Variants in CDK12 observed in about 807,000 individuals in gnomAD.
CDK12 encodes the protein cyclin dependent kinase 12.
A neutral mutation model predicts 133.8 loss-of-function variants in CDK12; 17 were observed. That is an observed-to-expected ratio of 0.13 (90% CI 0.09 to 0.19). The LOEUF (loss-of-function observed/expected upper bound fraction) is 0.19. CDK12 is among the 10% of genes least tolerant of loss of function. The pLI, the probability that CDK12 is intolerant of heterozygous loss-of-function variation, is 1.00. For missense variants in CDK12, 1,508 were observed against 1,818.7 expected, an observed-to-expected ratio of 0.83 and a Z score of 3.11; for synonymous variants, 694 against 683.6, an observed-to-expected ratio of 1.02 and a Z score of -0.24.
chr17:39,511,886 C>T (rs766448202), intron 8 of CDK12, among the ~76,000 whole-genome samples: 3 of 152,016 alleles, frequency 2.0e-5, no homozygotes, highest in Non-Finnish European at 4.4e-5. Context: ...AAGTAAGGTT[C>T]ATAGCTTGCA....
intron 2 of CDK12, among the ~76,000 whole-genome samples, chr17:39,552,944 G>A (rs1208785130): frequency 1.3e-5 from 2 of 152,130 alleles, no homozygotes; most frequent in Admixed American, 1.3e-4. Context: ...GGCCAGGCTG[G>A]TCTCAAACTC....
At chr17:39,505,953 G>C (rs2053090736) in intron 6 of CDK12, among the ~76,000 whole-genome samples, 1 of 152,142 alleles carries the variant, frequency 6.6e-6, no homozygotes, top group African/African-American at 2.4e-5. Flanking sequence ...TAAGTTTACT[G>C]GTAAAAGGTA....
chr17:39,487,345 A>G (rs1350132910), intron 2 of CDK12, among the ~76,000 whole-genome samples: 2 of 152,236 alleles, frequency 1.3e-5, no homozygotes, highest in Non-Finnish European at 2.9e-5. Flanking sequence ...AAGGGTTAAC[A>G]GTATTCTTTA....
At chr17:39,507,053 C>T (rs1598102042) in intron 6 of CDK12, among the ~76,000 whole-genome samples, 1 of 151,956 alleles carries the variant, frequency 6.6e-6, no homozygotes, top group South Asian at 2.1e-4. Context: ...TCTGCCGCCA[C>T]GCCCAGCTAA....
chr17:39,476,483 T>G (rs939123640), intron 2 of CDK12, among the ~76,000 whole-genome samples: 8 of 150,852 alleles, frequency 5.3e-5, no homozygotes, highest in Non-Finnish European at 8.9e-5. Flanking sequence ...TGCAGTGATG[T>G]GATCTCGGCT....
At chr17:39,496,970 G>A (rs958301814) in intron 5 of CDK12, among the ~76,000 whole-genome samples, 1 of 123,276 alleles carries the variant, frequency 8.1e-6, no homozygotes, top group Non-Finnish European at 1.6e-5. Flanking sequence ...TCACTCTGTC[G>A]CCCAGGCTCG....
chr17:39,467,309 T>G (rs2049415257), intron 1 of CDK12, among the ~76,000 whole-genome samples: 1 of 152,132 alleles, frequency 6.6e-6, no homozygotes, highest in Non-Finnish European at 1.5e-5. Flanking sequence ...TGAAAATGCT[T>G]TGGCAGAAAT....
intron 2 of CDK12, among the ~76,000 whole-genome samples, chr17:39,472,877 C>T (rs1304459141): frequency 6.6e-6 from 1 of 151,292 alleles, no homozygotes; most frequent in Admixed American, 6.6e-5. Context: ...AGATCGAGAC[C>T]ATCCTGGCTA....
chr17:39,547,733 T>C (rs1399476250), upstream of CDK12: 1 of 152,306 alleles, frequency 6.6e-6, no homozygotes, highest in East Asian at 1.9e-4. Flanking sequence ...ATCCTGGGCA[T>C]AGGAGGTGAC....
chr17:39,486,172 T>G (rs1313633651), intron 2 of CDK12, among the ~76,000 whole-genome samples: 3 of 151,652 alleles, frequency 2.0e-5, no homozygotes, highest in African/African-American at 7.3e-5. Context: ...AGGCTGGTCT[T>G]GAACTCCTGA....
upstream of CDK12, among the ~76,000 whole-genome samples, chr17:39,545,480 G>GC (rs1159223075): frequency 6.9e-6 from 1 of 145,444 alleles, no homozygotes; most frequent in Non-Finnish European, 1.5e-5. Context: ...GAGCCACTGT[G>GC]CCCAGCCCCA....
At chr17:39,505,645 G>T (rs1181252703) in intron 6 of CDK12, among the ~76,000 whole-genome samples, 1 of 152,088 alleles carries the variant, frequency 6.6e-6, no homozygotes, top group Admixed American at 6.6e-5. Flanking sequence ...CAAGAAAAGA[G>T]ATTGACATGC....
chr17:39,541,061 G>A (rs550519691), intron 1 of CDK12, among the ~76,000 whole-genome samples: 2 of 152,300 alleles, frequency 1.3e-5, no homozygotes, highest in East Asian at 3.9e-4. Context: ...CAGGCTTAAA[G>A]TAGGGGAGAA....
intron 2 of CDK12, chr17:39,556,249 C>T (rs1279291535): frequency 6.6e-6 from 1 of 152,590 alleles, no homozygotes; most frequent in African/African-American, 2.4e-5. Flanking sequence ...CCTCCCAGCT[C>T]CCAACTGAGA....
At chr17:39,475,659 C>T (rs1230236435) in intron 2 of CDK12, among the ~76,000 whole-genome samples, 1 of 151,042 alleles carries the variant, frequency 6.6e-6, no homozygotes, top group Non-Finnish European at 1.5e-5. Context: ...GATTCTTCTA[C>T]CTTAGCCTCC....
chr17:39,531,147 C>A lies in CDK12; in HGVS notation c.4304C>A (p.Thr1435Asn), dbSNP rs2146847626. 4 of 1,534,922 alleles carry A rather than the reference C, an allele frequency of 2.6e-6. No homozygotes were observed. Among genetic ancestry groups the A allele is most frequent in the Non-Finnish European group, 3.5e-6 (4 of 1,142,644 alleles). Reference sequence around the variant, plus strand: ...AGCAATTCTGTGGTACATGCAGAGACCAAATTGCAAAACTATGGGGAGCTG... The same window carrying A: ...AGCAATTCTGTGGTACATGCAGAGAACAAATTGCAAAACTATGGGGAGCTG... ...GSSNSVVHAE[T>N]KLQNYGELGP... is the part of the protein sequence containing the mutation. Residue 1435 changes from threonine to asparagine, a missense_variant, in exon 14 of 14, where the codon ACC (threonine) becomes AAC (asparagine). Physicochemically the swap from Thr to Asn is moderately conservative, Grantham distance 65. This residue lies in a region of CDK12 where 114 missense variants were observed against 101.2 expected (regional missense o/e 1.13). Coordinates refer to ENST00000447079, the MANE Select transcript of CDK12 (RefSeq NM_016507.4).
At chr17:39,493,628 T>C (rs1170254627) in intron 4 of CDK12, among the ~76,000 whole-genome samples, 1 of 152,008 alleles carries the variant, frequency 6.6e-6, no homozygotes, top group East Asian at 1.9e-4. Flanking sequence ...CCTGGCCAAA[T>C]TTTTAGTTCT....
chr17:39,554,756 G>A (rs553112379), intron 2 of CDK12, among the ~76,000 whole-genome samples: 1 of 152,278 alleles, frequency 6.6e-6, no homozygotes, highest in Non-Finnish European at 1.5e-5. Flanking sequence ...GCGTGCACCT[G>A]TAGTCCCAGC....
downstream of CDK12, among the ~76,000 whole-genome samples, chr17:39,565,866 C>T (rs1195013600): frequency 6.6e-6 from 1 of 152,166 alleles, no homozygotes; most frequent in Non-Finnish European, 1.5e-5. Flanking sequence ...ATTTTTCAGT[C>T]ACTAGGAAGG....
Sources: gnomAD v4.1 joint callset for allele counts (sites outside exome capture counted in the v4.1 genomes callset) on GRCh38, gnomAD v4.1.1 for gene constraint, gnomAD v4.1.1 regional missense constraint, MANE v1.5 for transcripts, NCBI Gene and HGNC (gene_info 2026-07-23, HGNC 2026-07-21) for gene names.